DPP6: variants seen among roughly 807,000 people sequenced by gnomAD.
DPP6 encodes A-type potassium channel modulatory protein DPP6.
Under a neutral mutation model 122.6 loss-of-function variants are expected in DPP6, and 69 were observed. That is an observed-to-expected ratio of 0.56 (90% CI 0.46 to 0.69). The LOEUF is 0.69. Among genes scored for constraint, DPP6 ranks in the 30% least tolerant of loss-of-function variants. DPP6 has a pLI of 0.00. For missense variants in DPP6, 928 were observed against 1,116.9 expected (o/e 0.83, Z 2.41); for synonymous variants, 418 against 433.1 (o/e 0.97, Z 0.43).
intron 1 of DPP6, among the ~76,000 whole-genome samples, chr7:154,338,157 A>C (rs1809599044): frequency 6.6e-6 from 1 of 152,126 alleles, no homozygotes; most frequent in African/African-American, 2.4e-5. Context: ...AAGTTGCTTA[A>C]ATTTCTTCGA....
intron 1 of DPP6, among the ~76,000 whole-genome samples, chr7:154,016,435 A>G: frequency 6.6e-6 from 1 of 151,148 alleles, no homozygotes. Context: ...AGTAACTGGT[A>G]TGCGTAGTAA....
chr7:154,536,042 G>T (rs1455398020), intron 3 of DPP6, among the ~76,000 whole-genome samples: 4 of 152,158 alleles, frequency 2.6e-5, no homozygotes, highest in Non-Finnish European at 5.9e-5. Context: ...AATCTAAATT[G>T]TCACTAATGC....
chr7:154,581,385 G>T (rs1331299164), intron 5 of DPP6, among the ~76,000 whole-genome samples: 1 of 152,110 alleles, frequency 6.6e-6, no homozygotes, highest in Non-Finnish European at 1.5e-5. Context: ...AAAGAGCCTG[G>T]AAGGGCCAGG....
chr7:153,801,426 T>G, the DPP6 span, among the ~76,000 whole-genome samples: 1 of 152,170 alleles, frequency 6.6e-6, no homozygotes, highest in Non-Finnish European at 1.5e-5. Context: ...GTCCTCGACC[T>G]GTGCCTTAAA....
chr7:154,585,458 G>A (rs1009597753), intron 5 of DPP6, among the ~76,000 whole-genome samples: 1 of 152,180 alleles, frequency 6.6e-6, no homozygotes, highest in Non-Finnish European at 1.5e-5. Flanking sequence ...GATCAAGAAA[G>A]ACAGGCTGAG....
chr7:154,731,575 T>G (rs976686937), intron 8 of DPP6, among the ~76,000 whole-genome samples: 2 of 152,136 alleles, frequency 1.3e-5, no homozygotes, highest in African/African-American at 2.4e-5. Flanking sequence ...TGTGAACTCA[T>G]CACTGGCTGT....
At chr7:154,334,660 G>C (rs12538758) in intron 1 of DPP6, among the ~76,000 whole-genome samples, 62,102 of 152,154 alleles carry the variant, frequency 0.41, 15,024 homozygotes, top group East Asian at 0.69. Context: ...ACTTTGGGAG[G>C]CCGCGGTGGC....
At chr7:153,774,244 A>G in the DPP6 span, among the ~76,000 whole-genome samples, 2 of 152,310 alleles carry the variant, frequency 1.3e-5, no homozygotes, top group Admixed American at 6.5e-5. Context: ...GAAGGCTTTT[A>G]TAAGAAAGTT....
intron 1 of DPP6, among the ~76,000 whole-genome samples, chr7:154,250,743 C>A (rs897329705): frequency 6.6e-6 from 1 of 151,880 alleles, no homozygotes; most frequent in Non-Finnish European, 1.5e-5. Context: ...CCCGTCAAGA[C>A]GAAGGAAAAG....
chr7:153,993,233 G>C (rs1455067499), intron 1 of DPP6, among the ~76,000 whole-genome samples: 1 of 152,190 alleles, frequency 6.6e-6, no homozygotes, highest in Non-Finnish European at 1.5e-5. Context: ...GGTTTCAAGA[G>C]TGCTGATGCA....
intron 7 of DPP6, among the ~76,000 whole-genome samples, chr7:154,688,272 G>T (rs762241273): frequency 6.6e-6 from 1 of 152,148 alleles, no homozygotes; most frequent in African/African-American, 2.4e-5. Context: ...ACCAATGGAG[G>T]GAGAATTTAT....
intron 10 of DPP6, among the ~76,000 whole-genome samples, chr7:154,787,393 GA>G (rs1352032756): frequency 1.3e-5 from 2 of 150,398 alleles, no homozygotes; most frequent in African/African-American, 2.5e-5. Context: ...TACTGATTTG[GA>G]ATGACATCTT....
chr7:154,226,418 G>C (rs918585058), intron 1 of DPP6, among the ~76,000 whole-genome samples: 9 of 152,192 alleles, frequency 5.9e-5, no homozygotes, highest in African/African-American at 1.7e-4. Context: ...GAACCCTTCA[G>C]CTCACAGAAT....
chr7:153,891,848 G>T (rs1213276277), intron 1 of DPP6, among the ~76,000 whole-genome samples: 1 of 152,166 alleles, frequency 6.6e-6, no homozygotes, highest in Non-Finnish European at 1.5e-5. Context: ...GGCTGTGCAG[G>T]CCCATGGTGA....
chr7:154,721,895 G>A (rs1841831460), intron 7 of DPP6, among the ~76,000 whole-genome samples: 1 of 151,948 alleles, frequency 6.6e-6, no homozygotes, highest in Admixed American at 6.6e-5. Flanking sequence ...GCCATGCACA[G>A]TGGCTCACAC....
At chr7:154,862,047 A>C (rs1563294691) in intron 17 of DPP6, among the ~76,000 whole-genome samples, 1 of 152,128 alleles carries the variant, frequency 6.6e-6, no homozygotes, top group Non-Finnish European at 1.5e-5. Flanking sequence ...TTTTGTTAAA[A>C]TCAAAGGATG....
At chr7:154,795,925 G>A (rs2150435902) in intron 12 of DPP6, 42 bp downstream of exon 12, 1 of 1,596,440 alleles carries the variant, frequency 6.3e-7, no homozygotes, top group African/African-American at 1.4e-5. Flanking sequence ...ACCTCCACCT[G>A]ATCCACCCCA....
intron 1 of DPP6, among the ~76,000 whole-genome samples, chr7:154,323,116 C>T (rs1808119609): frequency 6.6e-6 from 1 of 151,968 alleles, no homozygotes; most frequent in African/African-American, 2.4e-5. Context: ...AAATGAAATA[C>T]CATTCCATGC....
Position 154,686,818 on chromosome 7 carries a change from T to C in DPP6, c.762+17377T>C, listed in dbSNP as rs147619502. Among the ~76,000 whole-genome samples, 645 of 152,300 alleles carry C rather than the reference T, an allele frequency of 4.2e-3. 1 individual carries two copies. The highest frequency in any genetic ancestry group is 0.01 in the Middle Eastern group (3 of 294). ...TTTATTTCGGATGCATTTTAAATGT[T>C]AATGAAATATTTTATGAATAAAGAG... On this transcript the variant is annotated intron_variant, in intron 7 of 25. Transcript: ENST00000377770.
Sources: gnomAD v4.1 joint callset for allele counts (sites outside exome capture counted in the v4.1 genomes callset) on GRCh38, gnomAD v4.1.1 for gene constraint, MANE v1.5 for transcripts, NCBI Gene and HGNC (gene_info 2026-07-23, HGNC 2026-07-21) for gene names.